CAMK2G: variants seen among roughly 807,000 people sequenced by gnomAD.
The protein encoded by CAMK2G is calcium/calmodulin-dependent protein kinase type II subunit gamma.
CAMK2G carries 23 observed loss-of-function variants against 88.7 expected under a neutral mutation model. The observed-to-expected ratio is 0.26, with a 90% CI of 0.19 to 0.37. The LOEUF is 0.37. CAMK2G is among the 10% of genes least tolerant of loss of function. The pLI, the probability that CAMK2G is intolerant of heterozygous loss-of-function variation, is 1.00. For synonymous variants in CAMK2G, 263 were observed against 294.8 expected (o/e 0.89, Z 1.11); for missense variants, 476 against 780.8 (o/e 0.61, Z 4.65).
At chr10:73,847,432 G>A in intron 9 of CAMK2G, 85 bp from the exon 10 acceptor site, 1 of 1,424,204 alleles carries the variant, frequency 7.0e-7, no homozygotes, top group South Asian at 1.2e-5. Flanking sequence ...CTCAACTCCT[G>A]TAATTGGGAT....
In CAMK2G at chr10:73,849,339, A is replaced by G; in HGVS notation, c.342-6T>C. 6.2e-7 allele frequency: 1 copy of G among 1,606,800 alleles called. No homozygotes were observed. Among genetic ancestry groups the G allele is most frequent in the Non-Finnish European group, 8.5e-7 (1 of 1,173,590 alleles). ...GAATCTGATGTATACAGTGGCTAAA[A>G]AAGCAGAAGGAAAAGAAATGTTAGC... On this transcript the variant is annotated splice_region_variant and splice_polypyrimidine_tract_variant and intron_variant, in intron 5 of 22. Coordinates refer to ENST00000423381, the MANE Select transcript of CAMK2G (RefSeq NM_001367534.1).
chr10:73,854,857 A>G (rs564400484), intron 3 of CAMK2G, among the ~76,000 whole-genome samples: 1 of 152,302 alleles, frequency 6.6e-6, no homozygotes, highest in South Asian at 2.1e-4. Context: ...CAGGGCCTCA[A>G]GACTGTTTCC....
intron 12 of CAMK2G, among the ~76,000 whole-genome samples, chr10:73,841,499 C>A (rs974372610): frequency 6.6e-6 from 1 of 152,106 alleles, no homozygotes; most frequent in African/African-American, 2.4e-5. Flanking sequence ...AGGGTGGGGG[C>A]AAGAGGGGAG....
chr10:73,841,086 C>A (rs1226608547), intron 12 of CAMK2G, among the ~76,000 whole-genome samples: 1 of 152,244 alleles, frequency 6.6e-6, no homozygotes, highest in Non-Finnish European at 1.5e-5. Flanking sequence ...CAGCCCTGGC[C>A]TTCCGGAGCT....
chr10:73,817,743 G>A, intron 19 of CAMK2G, 189 bp from the exon 20 acceptor site: 1 of 589,042 alleles, frequency 1.7e-6, no homozygotes, highest in Non-Finnish European at 3.0e-6. Flanking sequence ...AGTCTGCAGA[G>A]ACAATGACCA....
rs2095883075 is a variant in CAMK2G, at chr10:73,872,858, C to G, written c.160+131G>C. On this transcript the variant is annotated intron_variant, in intron 2 of 22. Transcript: ENST00000423381. ...TTCTGGCTTCAGCCTGACACAAAGT[C>G]CAACCAGTCTGAAATTCCAACTCCT... is the stretch of plus-strand genomic sequence containing the variant. The G allele has an allele frequency of 6.8e-6, 5 of 737,744 alleles. No homozygotes were observed. In the Admixed American group the frequency reaches 7.5e-5, roughly 11 times the overall value. 45.7% of individuals were successfully genotyped at this position (737,744 alleles called of 1,614,324 possible). A position where few individuals can be genotyped will look rare whatever the true frequency, so the allele number is the denominator to read the frequency against.
chr10:73,842,246 G>A lies in CAMK2G; in HGVS notation c.904-35C>T. 6.3e-7 allele frequency: 1 copy of A among 1,581,280 alleles called. No homozygotes were observed. The highest frequency in any genetic ancestry group is 1.1e-5 in the South Asian group (1 of 90,432). On this transcript the variant is annotated intron_variant, in intron 11 of 22. Transcript: ENST00000423381. The surrounding 1 kb of genome is among the most constrained non-coding windows in gnomAD (Gnocchi z 4.6). ...GAGGAAGGTCCTGTGAATTCACTGA[G>A]ACCCTAGAAAAGGGCAGGCTGGTCT... is the stretch of plus-strand genomic sequence containing the variant.
intron 14 of CAMK2G, among the ~76,000 whole-genome samples, chr10:73,829,335 C>T (rs920173893): frequency 6.6e-5 from 10 of 151,228 alleles, no homozygotes; most frequent in Non-Finnish European, 1.3e-4. Flanking sequence ...CACTCTGTTG[C>T]CCAGGCTGGA....
At chr10:73,830,326 T>C (rs1205265349) in intron 14 of CAMK2G, among the ~76,000 whole-genome samples, 1 of 152,064 alleles carries the variant, frequency 6.6e-6, no homozygotes, top group Admixed American at 6.6e-5. Flanking sequence ...CGGGCTGAAG[T>C]ACTGGCATGA....
intron 15 of CAMK2G, among the ~76,000 whole-genome samples, chr10:73,826,297 G>A (rs1173272309): frequency 2.0e-5 from 3 of 152,146 alleles, no homozygotes; most frequent in Non-Finnish European, 2.9e-5. Flanking sequence ...GCCGGGCATG[G>A]TGGCACATGC....
chr10:73,828,200 C>A (rs781588439), intron 14 of CAMK2G, 79 bp from the exon 15 acceptor site: 18 of 1,197,986 alleles, frequency 1.5e-5, no homozygotes, highest in Non-Finnish European at 1.9e-5. Flanking sequence ...TGCAGGTTAG[C>A]GCACCAGTGT....
In CAMK2G at chr10:73,816,209, C is replaced by T. The variant is rs762736312; in HGVS notation, c.1534+814G>A. On this transcript the variant is annotated intron_variant, in intron 21 of 22. Coordinates refer to ENST00000423381, the MANE Select transcript of CAMK2G (RefSeq NM_001367534.1). ...TTCTTATCCCCTTATTTTCCATGAACTGTCCAGAATGTACACCCCACCCCC... is the reference window on the plus strand; with the variant it reads ...TTCTTATCCCCTTATTTTCCATGAATTGTCCAGAATGTACACCCCACCCCC... 5.0e-5 allele frequency: 49 copies of T among 985,552 alleles called. 1 individual carries two copies. The highest frequency in any genetic ancestry group is 5.7e-5 in the Non-Finnish European group (47 of 830,164). 61.1% of individuals were successfully genotyped at this position (985,552 alleles called of 1,614,324 possible).
At chr10:73,857,253 A>AC (rs1302968252) in intron 3 of CAMK2G, among the ~76,000 whole-genome samples, 8 of 152,148 alleles carry the variant, frequency 5.3e-5, no homozygotes, top group Non-Finnish European at 1.2e-4. Flanking sequence ...TGAAGAGATC[A>AC]CTTCTAGGGG....
intron 14 of CAMK2G, among the ~76,000 whole-genome samples, chr10:73,833,036 C>T (rs1446414601): frequency 6.7e-6 from 1 of 150,372 alleles, no homozygotes; most frequent in African/African-American, 2.5e-5. Flanking sequence ...GTGATCCTGG[C>T]TGTAACCTCA....
At chr10:73,838,502 T>G (rs1452937076) in intron 13 of CAMK2G, among the ~76,000 whole-genome samples, 1 of 152,112 alleles carries the variant, frequency 6.6e-6, no homozygotes, top group East Asian at 1.9e-4. Context: ...GCACTTAGAG[T>G]GCCTGGCATA....
rs1186536956 is a variant in CAMK2G at position 73,874,377 on chromosome 10, C to G, written c.65+20G>C. 2.0e-6 allele frequency: 3 copies of G among 1,470,664 alleles called. No individual in the cohort carries two copies. In the African/African-American group the frequency reaches 4.4e-5, roughly 21 times the overall value. The allele number at this position is 1,470,664 out of a possible 1,614,324, so 91.1% of individuals were successfully genotyped here. A position where few individuals can be genotyped will look rare whatever the true frequency, so the allele number is the denominator to read the frequency against. ...CCCGGGCGGCAGGGCAGGCAGGGGA[C>G]CGCGGCGGGCGGGCCGTACTTGCCA... is the stretch of plus-strand genomic sequence containing the variant. On this transcript the variant is annotated intron_variant, in intron 1 of 22. Coordinates refer to ENST00000423381, the MANE Select transcript of CAMK2G (RefSeq NM_001367534.1).
Position 73,873,029 on chromosome 10 carries a change from G to A in CAMK2G, c.120C>T (p.Tyr40=), listed in dbSNP as rs752855533. Reference sequence around the variant, plus strand: ...TCTTGGTATTGATGATTTTTGCTGCGTACTCCTGCGTGGAGGTTTTCTTCA... The same window carrying A: ...TCTTGGTATTGATGATTTTTGCTGCATACTCCTGCGTGGAGGTTTTCTTCA... ...RCVKKTSTQE[Y]AAKIINTKKL... Residue 40 remains tyrosine, a synonymous_variant, in exon 2 of 23, where the codon TAC becomes TAT. Coordinates refer to ENST00000423381, the MANE Select transcript of CAMK2G (RefSeq NM_001367534.1). 4.3e-6 allele frequency: 7 copies of A among 1,613,482 alleles called. No homozygotes were observed. The highest frequency in any genetic ancestry group is 3.3e-5 in the South Asian group (3 of 91,046).
chr10:73,856,823 A>C (rs1185990578), intron 3 of CAMK2G, among the ~76,000 whole-genome samples: 1 of 152,232 alleles, frequency 6.6e-6, no homozygotes, highest in Non-Finnish European at 1.5e-5. Flanking sequence ...ACAAACCTTT[A>C]CTTGATATTT....
At position 73,849,157 on chromosome 10, in the gene CAMK2G, C is replaced by T. The variant is rs1205117556; in HGVS notation, c.415-42G>A. On this transcript the variant is annotated intron_variant, in intron 6 of 22. Coordinates refer to ENST00000423381, the MANE Select transcript of CAMK2G (RefSeq NM_001367534.1). ...GAGAACCTTGTGAGCACCCACCCTG[C>T]AGCCCAGAGGAAGCCTAGTTTGGGC... The T allele has an allele frequency of 8.8e-6, 14 of 1,583,046 alleles. No individual in the cohort carries two copies. In the South Asian group the frequency reaches 1.2e-4, roughly 14 times the overall value.
Sources: allele counts gnomAD v4.1 joint callset (sites outside exome capture counted in the v4.1 genomes callset), GRCh38; gene constraint gnomAD v4.1.1; non-coding constraint Gnocchi (gnomAD v3.1); transcripts MANE v1.5; gene names NCBI Gene and HGNC (gene_info 2026-07-23, HGNC 2026-07-21).